Variants in PCDHGA9 observed in about 807,000 individuals in gnomAD.
The protein encoded by PCDHGA9 is protocadherin gamma-A9.
PCDHGA9 carries 37 observed loss-of-function variants against 62.5 expected under a neutral mutation model. The ratio of observed to expected loss-of-function variants is 0.59; its 90% CI spans 0.46 to 0.78. The LOEUF is 0.78. PCDHGA9 is among the 30% of genes least tolerant of loss of function. The probability of loss-of-function intolerance (pLI) is 0.00; values close to 1 mark genes in which losing one functional copy is unlikely to be tolerated. For missense variants in PCDHGA9, 1,138 were observed against 1,166.2 expected (o/e 0.98, Z 0.35); for synonymous variants, 459 against 484.6 (o/e 0.95, Z 0.69).
chr5:141,440,563 T>C (rs1048420758), intron 1 of PCDHGA9: 3 of 152,250 alleles, frequency 2.0e-5, no homozygotes, highest in Admixed American at 6.5e-5. Flanking sequence ...TTAAGTTACG[T>C]ATCTCTGAGT....
chr5:141,409,004 G>A, intron 1 of PCDHGA9: 3 of 1,614,004 alleles, frequency 1.9e-6, no homozygotes, highest in Non-Finnish European at 1.7e-6. Context: ...GACAGCCACT[G>A]ACCAGGATGA....
intron 1 of PCDHGA9, among the ~76,000 whole-genome samples, chr5:141,448,430 T>C (rs1468604001): frequency 6.6e-6 from 1 of 152,186 alleles, no homozygotes; most frequent in African/African-American, 2.4e-5. Flanking sequence ...TATGTATATA[T>C]TGAGAAGTCT....
At chr5:141,443,312 C>T (rs1296976995) in intron 1 of PCDHGA9, among the ~76,000 whole-genome samples, 2 of 115,698 alleles carry the variant, frequency 1.7e-5, no homozygotes, top group Non-Finnish European at 3.3e-5. Flanking sequence ...AAAAACCCAT[C>T]TCTACAAAAA....
intron 1 of PCDHGA9, among the ~76,000 whole-genome samples, chr5:141,449,560 GC>G (rs1487612909): frequency 6.9e-6 from 1 of 145,056 alleles, no homozygotes; most frequent in Non-Finnish European, 1.5e-5. Flanking sequence ...CTGCACTCCA[GC>G]CTGGGCGACA....
intron 1 of PCDHGA9, among the ~76,000 whole-genome samples, chr5:141,482,354 G>C (rs1461472845): frequency 6.6e-6 from 1 of 152,096 alleles, no homozygotes; most frequent in Non-Finnish European, 1.5e-5. Context: ...CTTGTTGTGA[G>C]AGTGAAAAGT....
intron 1 of PCDHGA9, chr5:141,423,427 G>A: frequency 1.2e-6 from 2 of 1,614,010 alleles, no homozygotes; most frequent in Non-Finnish European, 1.7e-6. Flanking sequence ...AGGCGGGTTG[G>A]CAGGTATGCC....
chr5:141,421,216 T>G, intron 1 of PCDHGA9: 1 of 1,567,154 alleles, frequency 6.4e-7, no homozygotes, highest in Non-Finnish European at 8.6e-7. Flanking sequence ...GAATATCGGC[T>G]TAGAGCCTGC....
Position 141,490,583 on chromosome 5 carries a change from A to G in PCDHGA9, c.2425-4224A>G, listed in dbSNP as rs2099701693. ...ATCAGGCTCAACATTTCAGATGTCAATGACAATGCACCCCGCTTCAACCAG... is the reference window on the plus strand; with the variant it reads ...ATCAGGCTCAACATTTCAGATGTCAGTGACAATGCACCCCGCTTCAACCAG... On this transcript the variant is annotated intron_variant, in intron 1 of 3. Coordinates refer to ENST00000573521, the MANE Select transcript of PCDHGA9 (RefSeq NM_018921.3). This position sits in a 1 kb window ranked among gnomAD's most constrained non-coding sequence, Gnocchi z 5.4. 2.5e-6 allele frequency: 4 copies of G among 1,614,138 alleles called. No homozygotes were observed. Among genetic ancestry groups the G allele is most frequent in the African/African-American group, 1.3e-5 (1 of 75,032 alleles).
At position 141,418,250 on chromosome 5, in the gene PCDHGA9, C is replaced by T. The variant is rs375149538; in HGVS notation, c.2424+12874C>T. ...GATTGAGGATGTTAATGACCACGCC[C>T]CTCAATTCCGGAAAGATGAAATAAA... On this transcript the variant is annotated intron_variant, in intron 1 of 3. Transcript: ENST00000573521. The T allele has an allele frequency of 2.5e-5, 40 of 1,613,876 alleles. No individual in the cohort carries two copies. The African/African-American group carries it at 3.6e-4, about 15-fold the overall frequency.
At chr5:141,500,667 TC>T (rs1032555959) in intron 2 of PCDHGA9, among the ~76,000 whole-genome samples, 26 of 152,194 alleles carry the variant, frequency 1.7e-4, no homozygotes, top group African/African-American at 6.0e-4. Flanking sequence ...GGCCATACTG[TC>T]CAACAGAATT....
At position 141,402,850 on chromosome 5, in the gene PCDHGA9, T is replaced by C. The variant is rs1447900346; in HGVS notation, c.-103T>C. On this transcript the variant is annotated 5_prime_UTR_variant, in exon 1 of 4. Coordinates refer to ENST00000573521, the MANE Select transcript of PCDHGA9 (RefSeq NM_018921.3). ...AGGCTGCAGCAAAACTCAGCCTCTT[T>C]CTTCTAAGGAAAAGATCACCATACT... The C allele has an allele frequency of 4.9e-6, 7 of 1,417,624 alleles. No individual in the cohort carries two copies. Among genetic ancestry groups the C allele is most frequent in the Non-Finnish European group, 6.5e-6 (7 of 1,081,586 alleles). The allele number at this position is 1,417,624 out of a possible 1,614,324, so 87.8% of individuals were successfully genotyped here.
At chr5:141,501,290 TACACACACACACACACACACACACAC>T (rs55762287) in intron 2 of PCDHGA9, among the ~76,000 whole-genome samples, 1 of 136,164 alleles carries the variant, frequency 7.3e-6, no homozygotes, top group Non-Finnish European at 1.6e-5. Flanking sequence ...TATTCCCTTA[TACACACACACACACACACACACACAC>T]ACACACACAC....
At chr5:141,509,094 T>C (rs1038935185) in intron 3 of PCDHGA9, among the ~76,000 whole-genome samples, 4 of 152,152 alleles carry the variant, frequency 2.6e-5, no homozygotes, top group African/African-American at 9.7e-5. Context: ...AAATGGGGGC[T>C]GTAGAAACCT....
At chr5:141,419,792 G>T (rs1379811891) in intron 1 of PCDHGA9, 15 of 1,613,924 alleles carry the variant, frequency 9.3e-6, no homozygotes, top group African/African-American at 2.7e-5. Flanking sequence ...CCTGCTAGTC[G>T]CTGTAAGAGA....
At chr5:141,413,767 C>A in intron 1 of PCDHGA9, 1 of 1,612,972 alleles carries the variant, frequency 6.2e-7, no homozygotes, top group South Asian at 1.1e-5. Flanking sequence ...GTACCCGGAG[C>A]TGGTACTGGA....
intron 1 of PCDHGA9, among the ~76,000 whole-genome samples, chr5:141,492,103 T>G (rs1458656062): frequency 6.6e-6 from 1 of 152,134 alleles, no homozygotes; most frequent in Non-Finnish European, 1.5e-5. Flanking sequence ...GTCTGTAGAT[T>G]TCCTCTTCGA....
intron 1 of PCDHGA9, chr5:141,413,902 G>A: frequency 1.9e-6 from 3 of 1,613,252 alleles, no homozygotes; most frequent in East Asian, 2.2e-5. Flanking sequence ...AAATGACAAC[G>A]CGCCGGTCTT....
Position 141,462,050 on chromosome 5 carries a change from C to T in PCDHGA9, c.2425-32757C>T, listed in dbSNP as rs146056741. On this transcript the variant is annotated intron_variant, in intron 1 of 3. Coordinates refer to ENST00000573521, the MANE Select transcript of PCDHGA9 (RefSeq NM_018921.3). ...GTTGGTCAGGCGGGTCTTGAACTCC[C>T]GACCTCAGGTGATCTGCCCGCCTTG... is the stretch of plus-strand genomic sequence containing the variant. 5.5e-3 allele frequency among the ~76,000 whole-genome samples: 830 copies of T among 151,978 alleles called. 23 individuals are homozygous for T. The East Asian group carries it at 0.095, about 17-fold the overall frequency.
chr5:141,428,368 C>T, intron 1 of PCDHGA9: 1 of 545,002 alleles, frequency 1.8e-6, no homozygotes, highest in Non-Finnish European at 3.4e-6. Context: ...GGTCGCCTTG[C>T]ACCTGCGATG....
Sources: allele counts gnomAD v4.1 joint callset (sites outside exome capture counted in the v4.1 genomes callset), GRCh38; gene constraint gnomAD v4.1.1; non-coding constraint Gnocchi (gnomAD v3.1); transcripts MANE v1.5; gene names NCBI Gene and HGNC (gene_info 2026-07-23, HGNC 2026-07-21).